The following CNTLN variants were observed in gnomAD, a reference collection of about 807,000 sequenced individuals.
The protein encoded by CNTLN is centlein, also known as centlein, centrosomal protein.
CNTLN carries 212 observed loss-of-function variants against 180.0 expected under a neutral mutation model. That is an observed-to-expected ratio of 1.18 (90% CI 1.05 to 1.32). The LOEUF (loss-of-function observed/expected upper bound fraction) is 1.32, where lower values mean the gene tolerates loss of function less well. Among genes scored for constraint, CNTLN ranks in the 40% most tolerant of loss-of-function variants. CNTLN has a pLI of 0.00. For synonymous variants in CNTLN, 722 were observed against 563.1 expected (o/e 1.28, Z -3.99); for missense variants, 2,095 against 1,610.9 (o/e 1.30, Z -5.14).
At chr9:17,294,911 G>A (rs1178933120) in intron 6 of CNTLN, among the ~76,000 whole-genome samples, 1 of 112,972 alleles carries the variant, frequency 8.9e-6, no homozygotes, top group Non-Finnish European at 1.9e-5. Context: ...GGGGGAGGGC[G>A]GGGGGGAGTG....
chr9:17,419,473 T>C (rs751652983), intron 18 of CNTLN, among the ~76,000 whole-genome samples: 1 of 152,128 alleles, frequency 6.6e-6, no homozygotes, highest in Non-Finnish European at 1.5e-5. Context: ...CCTTTTAATA[T>C]GAGGAAAATG....
At chr9:17,262,741 T>C (rs943447585) in intron 5 of CNTLN, among the ~76,000 whole-genome samples, 16 of 151,342 alleles carry the variant, frequency 1.1e-4, no homozygotes, top group South Asian at 8.3e-4. Context: ...TTAAAAAAAA[T>C]AAAATAAAGA....
rs78860908 is a variant in CNTLN, at chr9:17,473,925, A to T, written c.3855+7034A>T. On this transcript the variant is annotated intron_variant, in intron 23 of 25. Coordinates refer to ENST00000380647, the MANE Select transcript of CNTLN (RefSeq NM_017738.4). Reference sequence around the variant, plus strand: ...CCTTCCTCCTTGAAGCACTTTTTTAAAGCCTTCCTTATGATGTACTACACT... The same window carrying T: ...CCTTCCTCCTTGAAGCACTTTTTTATAGCCTTCCTTATGATGTACTACACT... Among the ~76,000 whole-genome samples the T allele has an allele frequency of 3.0e-3, 449 of 152,188 alleles. 3 individuals carry two copies. The highest frequency in any genetic ancestry group is 4.3e-3 in the Admixed American group (66 of 15,294).
chr9:17,303,690 C>G (rs888604013), intron 7 of CNTLN, among the ~76,000 whole-genome samples: 3 of 152,036 alleles, frequency 2.0e-5, no homozygotes, highest in African/African-American at 7.2e-5. Context: ...CATTCTTATT[C>G]TAGAGCATTA....
chr9:17,352,412 ATATATTTTTT>A (rs1460219227), intron 12 of CNTLN, among the ~76,000 whole-genome samples: 1 of 15,812 alleles, frequency 6.3e-5, no homozygotes, highest in East Asian at 5.0e-3. Flanking sequence ...ATATATATAT[ATATATTTTTT>A]TTTTTTTTGG....
intron 2 of CNTLN, among the ~76,000 whole-genome samples, chr9:17,212,773 T>A (rs1040856735): frequency 1.3e-5 from 2 of 152,194 alleles, no homozygotes; most frequent in Non-Finnish European, 2.9e-5. Flanking sequence ...TCTTCCTGGT[T>A]TAGTCTTCGG....
At chr9:17,386,477 G>C (rs890196684) in intron 13 of CNTLN, among the ~76,000 whole-genome samples, 1 of 152,188 alleles carries the variant, frequency 6.6e-6, no homozygotes, top group Non-Finnish European at 1.5e-5. Context: ...GAAAGAAATA[G>C]GAGTGTGTAT....
intron 8 of CNTLN, among the ~76,000 whole-genome samples, chr9:17,317,852 A>G (rs1819631850): frequency 6.6e-6 from 1 of 152,016 alleles, no homozygotes; most frequent in Admixed American, 6.6e-5. Flanking sequence ...GATCTCAGAG[A>G]GGTAAATGTG....
chr9:17,225,862 T>C (rs1824432833), intron 2 of CNTLN, among the ~76,000 whole-genome samples: 1 of 152,036 alleles, frequency 6.6e-6, no homozygotes, highest in Non-Finnish European at 1.5e-5. Context: ...ATGGTAAATT[T>C]TATCCTTAAT....
intron 7 of CNTLN, chr9:17,302,066 AGT>A (rs1818397179): frequency 1.0e-6 from 1 of 984,306 alleles, no homozygotes; most frequent in South Asian, 4.7e-5. Context: ...TATTCATTAT[AGT>A]GTACTGACTA....
At chr9:17,300,981 T>C in intron 7 of CNTLN, 1 of 983,374 alleles carries the variant, frequency 1.0e-6, no homozygotes, top group Non-Finnish European at 1.2e-6. Flanking sequence ...AGACATTAAA[T>C]GGTAGAAGCA....
intron 2 of CNTLN, among the ~76,000 whole-genome samples, chr9:17,161,694 T>C (rs1819691153): frequency 6.6e-6 from 1 of 152,244 alleles, no homozygotes; most frequent in Non-Finnish European, 1.5e-5. Flanking sequence ...GAACAACTGC[T>C]ATTATTTGCC....
intron 12 of CNTLN, among the ~76,000 whole-genome samples, chr9:17,359,717 T>TAAAAAAAAAAAAAAAAAAAAAAAA (rs1456379699): frequency 1.5e-4 from 2 of 13,498 alleles, no homozygotes; most frequent in East Asian, 3.0e-3. Flanking sequence ...CCGTCTATAC[T>TAAAAAAAAAAAAAAAAAAAAAAAA]AAAAATACAA....
At chr9:17,251,221 C>T (rs1450984193) in intron 5 of CNTLN, among the ~76,000 whole-genome samples, 2 of 151,866 alleles carry the variant, frequency 1.3e-5, no homozygotes, top group Non-Finnish European at 2.9e-5. Context: ...TATAATGTAT[C>T]TCAACATGAA....
At chr9:17,297,229 G>A (rs1391605693) in intron 6 of CNTLN, among the ~76,000 whole-genome samples, 1 of 152,094 alleles carries the variant, frequency 6.6e-6, no homozygotes, top group Admixed American at 6.5e-5. Context: ...GGTATTATAA[G>A]TAATCTAGAG....
chr9:17,513,811 T>C, the CNTLN span, among the ~76,000 whole-genome samples: 1 of 151,916 alleles, frequency 6.6e-6, no homozygotes, highest in African/African-American at 2.4e-5. Flanking sequence ...GAAAAAAAGA[T>C]ATAACGAAGC....
intron 2 of CNTLN, among the ~76,000 whole-genome samples, chr9:17,159,853 C>G (rs974263658): frequency 1.3e-5 from 2 of 152,170 alleles, no homozygotes; most frequent in African/African-American, 4.8e-5. Flanking sequence ...GCTGTTTGAT[C>G]TTAGGACCAT....
In CNTLN at chr9:17,409,353, G is replaced by C; in HGVS notation, c.2676G>C (p.Gln892His). ...TLGTIIVETS[Q>H]KISPTEDGKD... The stretch of plus-strand genomic sequence containing the variant: ...GAACAATTATTGTAGAAACATCCCA[G>C]AAAATAAGTCCTACGGAAGATGGAA... The change falls in exon 16 of 26, where the codon CAG becomes CAC. Residue 892 changes from glutamine (Q) to histidine (H), a missense_variant. Transcript: ENST00000380647. 1 of 1,613,204 alleles carries C rather than the reference G, an allele frequency of 6.2e-7. No homozygotes were observed. The highest frequency in any genetic ancestry group is 8.5e-7 in the Non-Finnish European group (1 of 1,179,630).
chr9:17,406,392 C>G (rs551305404), intron 15 of CNTLN, among the ~76,000 whole-genome samples: 2 of 151,938 alleles, frequency 1.3e-5, no homozygotes, highest in African/African-American at 4.8e-5. Context: ...CTACACTGGA[C>G]TGACTGTTGC....
Sources: gnomAD v4.1 joint callset for allele counts (sites outside exome capture counted in the v4.1 genomes callset) on GRCh38, gnomAD v4.1.1 for gene constraint, MANE v1.5 for transcripts, NCBI Gene and HGNC (gene_info 2026-07-23, HGNC 2026-07-21) for gene names.